ADARB2: variants seen among roughly 807,000 people sequenced by gnomAD.
ADARB2 encodes the protein inactive double-stranded RNA-specific editase B2.
Under a neutral mutation model 62.2 loss-of-function variants are expected in ADARB2, and 25 were observed. The observed-to-expected ratio is 0.40, with a 90% CI of 0.29 to 0.56. The LOEUF is 0.56. Ranked by LOEUF, ADARB2 falls within the 20% of genes least tolerant of loss-of-function variation. ADARB2 has a pLI of 0.43. For missense variants in ADARB2, 1,071 were observed against 1,077.4 expected (o/e 0.99, Z 0.08); for synonymous variants, 572 against 500.8 (o/e 1.14, Z -1.90).
intron 1 of ADARB2, among the ~76,000 whole-genome samples, chr10:1,615,499 T>C (rs568354276): frequency 8.5e-5 from 13 of 152,316 alleles, no homozygotes; most frequent in African/African-American, 3.1e-4. Context: ...GGGTGGGGCA[T>C]TGTCCACCCG....
chr10:1,429,257 T>C (rs1830753156), intron 1 of ADARB2, among the ~76,000 whole-genome samples: 1 of 152,232 alleles, frequency 6.6e-6, no homozygotes, highest in Admixed American at 6.5e-5. Context: ...GAGTTTTATG[T>C]TTGCACAAAT....
chr10:1,566,873 A>G (rs1564332748), intron 1 of ADARB2, among the ~76,000 whole-genome samples: 1 of 152,198 alleles, frequency 6.6e-6, no homozygotes, highest in Non-Finnish European at 1.5e-5. Flanking sequence ...GGCTAAAGCA[A>G]TTTTTATGAA....
chr10:1,359,275 CA>C (rs1832226834), intron 3 of ADARB2, among the ~76,000 whole-genome samples: 1 of 152,156 alleles, frequency 6.6e-6, no homozygotes, highest in Non-Finnish European at 1.5e-5. Context: ...GACTGGCCTG[CA>C]AACCCTCTGC....
In ADARB2 at chr10:1,509,266, C is replaced by A. The variant is rs533287445; in HGVS notation, c.101-130106G>T. 3.5e-4 allele frequency among the ~76,000 whole-genome samples: 54 copies of A among 152,294 alleles called. 1 individual carries two copies. The Middle Eastern group carries it at 0.017, about 48-fold the overall frequency. On this transcript the variant is annotated intron_variant, in intron 1 of 9. Coordinates refer to ENST00000381312, the MANE Select transcript of ADARB2 (RefSeq NM_018702.4). Reference sequence around the variant, plus strand: ...GGGGGTCACTAATATGCTTTTATGACCTCACTGTCGGAGATGATACCATTA... The same window carrying A: ...GGGGGTCACTAATATGCTTTTATGAACTCACTGTCGGAGATGATACCATTA...
At chr10:1,606,217 C>CT (rs1833491157) in intron 1 of ADARB2, among the ~76,000 whole-genome samples, 1 of 152,158 alleles carries the variant, frequency 6.6e-6, no homozygotes, top group African/African-American at 2.4e-5. Flanking sequence ...TGGGGGCCTA[C>CT]AGTCTTCACC....
intron 1 of ADARB2, among the ~76,000 whole-genome samples, chr10:1,634,334 G>A (rs1300067899): frequency 1.3e-5 from 2 of 152,326 alleles, no homozygotes; most frequent in African/African-American, 4.8e-5. Flanking sequence ...AAACCACAGC[G>A]GTTGTTTTCC....
intron 4 of ADARB2, among the ~76,000 whole-genome samples, chr10:1,266,064 C>A (rs1411425485): frequency 7.0e-6 from 1 of 142,226 alleles, no homozygotes; most frequent in Non-Finnish European, 1.5e-5. Context: ...CAGGTCCACG[C>A]TCCCCCGGAA....
intron 1 of ADARB2, among the ~76,000 whole-genome samples, chr10:1,655,502 A>G (rs1214949062): frequency 6.6e-6 from 1 of 152,202 alleles, no homozygotes; most frequent in Non-Finnish European, 1.5e-5. Flanking sequence ...CTATTGATTA[A>G]CTATTTATTC....
chr10:1,640,121 T>A (rs1833963273), intron 1 of ADARB2, among the ~76,000 whole-genome samples: 2 of 152,202 alleles, frequency 1.3e-5, no homozygotes, highest in South Asian at 2.1e-4. Context: ...GAACTCACTA[T>A]CTCCTGAGGG....
chr10:1,588,193 C>T (rs1457039262), intron 1 of ADARB2, among the ~76,000 whole-genome samples: 1 of 152,148 alleles, frequency 6.6e-6, no homozygotes, highest in Non-Finnish European at 1.5e-5. Context: ...ACAGGTCACA[C>T]CCTCTCCCCA....
At chr10:1,465,442 T>C (rs1300597312) in intron 1 of ADARB2, among the ~76,000 whole-genome samples, 1 of 152,216 alleles carries the variant, frequency 6.6e-6, no homozygotes, top group Non-Finnish European at 1.5e-5. Flanking sequence ...GAAGGAGTGC[T>C]TGCAGCTGCC....
chr10:1,728,971 C>T (rs1205683191), intron 1 of ADARB2, among the ~76,000 whole-genome samples: 1 of 152,152 alleles, frequency 6.6e-6, no homozygotes, highest in East Asian at 1.9e-4. Flanking sequence ...TCCTAGAACT[C>T]CAACAATGAT....
intron 1 of ADARB2, among the ~76,000 whole-genome samples, chr10:1,529,661 C>T (rs956962375): frequency 6.6e-6 from 1 of 152,232 alleles, no homozygotes; most frequent in African/African-American, 2.4e-5. Flanking sequence ...TGTTGGAGCC[C>T]CTCTGCCCCT....
intron 3 of ADARB2, among the ~76,000 whole-genome samples, chr10:1,293,985 T>G (rs1831501486): frequency 6.6e-6 from 1 of 150,656 alleles, no homozygotes; most frequent in South Asian, 2.2e-4. Context: ...GGCGGGGGCA[T>G]GGGGGAGCTG....
intron 1 of ADARB2, among the ~76,000 whole-genome samples, chr10:1,710,065 T>C (rs1834932238): frequency 6.6e-6 from 1 of 152,202 alleles, no homozygotes; most frequent in South Asian, 2.1e-4. Flanking sequence ...GGACGGTTTG[T>C]CCTAAACTTC....
chr10:1,682,168 A>G (rs10794785), intron 1 of ADARB2, among the ~76,000 whole-genome samples: 133,415 of 152,156 alleles, frequency 0.88, 58,540 homozygotes, highest in Middle Eastern at 0.92. Flanking sequence ...AAAAATCATG[A>G]ATGAGAGCTC....
intron 3 of ADARB2, among the ~76,000 whole-genome samples, chr10:1,308,206 A>T (rs1243572127): frequency 1.3e-5 from 2 of 152,110 alleles, no homozygotes; most frequent in African/African-American, 4.8e-5. Flanking sequence ...GTAGCCCCTG[A>T]TCATTCCACT....
chr10:1,463,349 GT>G (rs1412902564), intron 1 of ADARB2, among the ~76,000 whole-genome samples: 1 of 152,162 alleles, frequency 6.6e-6, no homozygotes, highest in African/African-American at 2.4e-5. Context: ...CCGCCCTCCT[GT>G]GTCCCTGGTC....
rs1186574642 is a variant in ADARB2, at chr10:1,438,169, C to T, written c.101-59009G>A. ...AGAGCAGGTCCTTCACTATGGGGCT[C>T]CTGAGTCTCTCCCAGGATGGAGGCA... On this transcript the variant is annotated intron_variant, in intron 1 of 9. Coordinates refer to ENST00000381312, the MANE Select transcript of ADARB2 (RefSeq NM_018702.4). 4.6e-5 allele frequency among the ~76,000 whole-genome samples: 7 copies of T among 152,072 alleles called. No individual in the cohort carries two copies. In the East Asian group the frequency reaches 1.4e-3, roughly 29 times the overall value.
Sources: allele counts gnomAD v4.1 joint callset (sites outside exome capture counted in the v4.1 genomes callset), GRCh38; gene constraint gnomAD v4.1.1; transcripts MANE v1.5; gene names NCBI Gene and HGNC (gene_info 2026-07-23, HGNC 2026-07-21).